EXOC4: variants seen among roughly 807,000 people sequenced by gnomAD.
The protein encoded by EXOC4 is SEC8-like 1.
A neutral mutation model predicts 107.2 loss-of-function variants in EXOC4; 71 were observed. The observed-to-expected ratio is 0.66, with a 90% CI of 0.55 to 0.81. EXOC4 has a LOEUF of 0.81. EXOC4 is among the 30% of genes least tolerant of loss of function. The pLI is 0.00. For missense variants in EXOC4, 1,108 were observed against 1,189.6 expected (o/e 0.93, Z 1.01); for synonymous variants, 456 against 441.2 (o/e 1.03, Z -0.42).
intron 10 of EXOC4, among the ~76,000 whole-genome samples, chr7:133,758,095 C>A (rs1488908849): frequency 6.6e-6 from 1 of 152,104 alleles, no homozygotes; most frequent in Admixed American, 6.5e-5. Context: ...GTGATCCAGG[C>A]AGAAAGTCAT....
chr7:134,022,008 A>G (rs1365707580), intron 17 of EXOC4, among the ~76,000 whole-genome samples: 1 of 152,186 alleles, frequency 6.6e-6, no homozygotes, highest in Non-Finnish European at 1.5e-5. Flanking sequence ...TTGACCAGAA[A>G]TTAATTACAG....
intron 7 of EXOC4, among the ~76,000 whole-genome samples, chr7:133,375,594 G>A (rs1796471940): frequency 1.3e-5 from 2 of 152,088 alleles, no homozygotes; most frequent in Non-Finnish European, 1.5e-5. Context: ...ACTGGAATTA[G>A]TCATATATTA....
chr7:133,863,865 T>C lies in EXOC4; in HGVS notation c.1735-31734T>C, dbSNP rs115384674. 2.4e-3 allele frequency among the ~76,000 whole-genome samples: 366 copies of C among 152,268 alleles called. 5 individuals carry two copies. Among genetic ancestry groups the C allele is most frequent in the African/African-American group, 8.2e-3 (341 of 41,558 alleles). ...GTTCTATTACAATCTACTGACCAAA[T>C]AGAGCTTTGAGCAAACAGATTTCAC... On this transcript the variant is annotated intron_variant, in intron 11 of 17. Transcript: ENST00000253861.
At chr7:133,305,469 A>T (rs1212863358) in intron 3 of EXOC4, among the ~76,000 whole-genome samples, 1 of 152,314 alleles carries the variant, frequency 6.6e-6, no homozygotes, top group East Asian at 1.9e-4. Flanking sequence ...TTTTTAAAAC[A>T]TTTATATAGT....
At chr7:133,354,143 G>A (rs1176222569) in intron 5 of EXOC4, among the ~76,000 whole-genome samples, 1 of 151,732 alleles carries the variant, frequency 6.6e-6, no homozygotes, top group East Asian at 1.9e-4. Flanking sequence ...TTCAGGGACA[G>A]TTTCTGTTGA....
At chr7:133,329,949 TG>T (rs775686422) in intron 5 of EXOC4, among the ~76,000 whole-genome samples, 11 of 152,160 alleles carry the variant, frequency 7.2e-5, no homozygotes, top group Non-Finnish European at 1.5e-4. Context: ...GCTCAAATGC[TG>T]TGCTGGGAGA....
intron 10 of EXOC4, among the ~76,000 whole-genome samples, chr7:133,780,689 T>G (rs542053715): frequency 9.9e-5 from 15 of 152,262 alleles, no homozygotes; most frequent in African/African-American, 3.6e-4. Context: ...GGTTGGCCTG[T>G]CATGCTTAAT....
chr7:133,669,181 A>G lies in EXOC4; in HGVS notation c.1514+39040A>G, dbSNP rs532241303. On this transcript the variant is annotated intron_variant, in intron 10 of 17. Coordinates refer to ENST00000253861, the MANE Select transcript of EXOC4 (RefSeq NM_021807.4). ...ATTTTCCCCCTCGCTCAGGGAGGCCATGACTGGAGGGAGGGGTAAGGAGCC... is the reference window on the plus strand; with the variant it reads ...ATTTTCCCCCTCGCTCAGGGAGGCCGTGACTGGAGGGAGGGGTAAGGAGCC... Among the ~76,000 whole-genome samples the G allele has an allele frequency of 1.9e-3, 293 of 151,976 alleles. 1 individual carries two copies. Among genetic ancestry groups the G allele is most frequent in the African/African-American group, 6.3e-3 (263 of 41,434 alleles).
intron 16 of EXOC4, among the ~76,000 whole-genome samples, chr7:134,006,945 A>T (rs897294802): frequency 3.3e-5 from 5 of 152,200 alleles, no homozygotes; most frequent in African/African-American, 9.6e-5. Flanking sequence ...TTTGCAGACC[A>T]TAAGACAACC....
chr7:133,447,137 C>T lies in EXOC4; in HGVS notation c.1183-28191C>T, dbSNP rs1162348117. Among the ~76,000 whole-genome samples the T allele has an allele frequency of 2.0e-5, 3 of 152,152 alleles. No homozygotes were observed. In the East Asian group the frequency reaches 5.8e-4, roughly 29 times the overall value. On this transcript the variant is annotated intron_variant, in intron 7 of 17. Transcript: ENST00000253861. ...TTCTGACCAAGTCAACTCCACAGTT[C>T]ATCATTTTATAGTCACTTGTATTTT...
intron 17 of EXOC4, among the ~76,000 whole-genome samples, chr7:134,037,631 G>A (rs889144294): frequency 2.0e-5 from 3 of 152,042 alleles, no homozygotes; most frequent in Admixed American, 6.6e-5. Context: ...AAACATGAAC[G>A]TGAACATTTT....
intron 9 of EXOC4, among the ~76,000 whole-genome samples, chr7:133,597,554 C>T (rs1324530050): frequency 4.1e-4 from 39 of 96,054 alleles, no homozygotes; most frequent in South Asian, 7.5e-4. Context: ...AACTCTGTTT[C>T]AAAAAAAAAA....
At position 133,660,247 on chromosome 7, in the gene EXOC4, G is replaced by A. The variant is rs115985998; in HGVS notation, c.1514+30106G>A. ...AAGCATACCTTCTGAGACTGATTTA[G>A]TGTGGCTTGATCAATAGACTGCAGA... is the stretch of plus-strand genomic sequence containing the variant. On this transcript the variant is annotated intron_variant, in intron 10 of 17. Transcript: ENST00000253861. 2.4e-3 allele frequency among the ~76,000 whole-genome samples: 366 copies of A among 151,370 alleles called. 5 individuals carry two copies. Among genetic ancestry groups the A allele is most frequent in the African/African-American group, 8.3e-3 (343 of 41,208 alleles).
chr7:133,446,734 GA>G (rs1325518065), intron 7 of EXOC4, among the ~76,000 whole-genome samples: 4 of 152,150 alleles, frequency 2.6e-5, no homozygotes, highest in African/African-American at 9.7e-5. Flanking sequence ...GGTAATTTCA[GA>G]AGCCATGGAC....
At chr7:133,364,824 G>A (rs994569250) in intron 6 of EXOC4, among the ~76,000 whole-genome samples, 1 of 152,186 alleles carries the variant, frequency 6.6e-6, no homozygotes, top group African/African-American at 2.4e-5. Flanking sequence ...ATTAATCCCA[G>A]ATTTACCCAG....
chr7:133,966,848 G>T lies in EXOC4; in HGVS notation c.2206+28779G>T, dbSNP rs1277437759. Reference sequence around the variant, plus strand: ...GGATGATGCTGGCCTCATAAAATGGGTTAGGGAGGAGTCCCTCTTTTTCTA... The same window carrying T: ...GGATGATGCTGGCCTCATAAAATGGTTTAGGGAGGAGTCCCTCTTTTTCTA... On this transcript the variant is annotated intron_variant, in intron 14 of 17. Transcript: ENST00000253861. Among the ~76,000 whole-genome samples, 3 of 152,336 alleles carry T rather than the reference G, an allele frequency of 2.0e-5. No individual in the cohort carries two copies. The East Asian group carries it at 5.8e-4, about 29-fold the overall frequency.
intron 15 of EXOC4, among the ~76,000 whole-genome samples, chr7:134,002,981 C>T (rs570350117): frequency 7.9e-5 from 12 of 152,068 alleles, no homozygotes; most frequent in Non-Finnish European, 1.3e-4. Flanking sequence ...AGGTATTTAT[C>T]CAAGAGAAAT....
At chr7:133,755,914 G>A (rs967728159) in intron 10 of EXOC4, among the ~76,000 whole-genome samples, 3 of 152,006 alleles carry the variant, frequency 2.0e-5, no homozygotes, top group African/African-American at 7.2e-5. Flanking sequence ...CCATGACTTA[G>A]CTTATATTAC....
intron 9 of EXOC4, among the ~76,000 whole-genome samples, chr7:133,507,083 T>C (rs999813726): frequency 6.6e-6 from 1 of 152,172 alleles, no homozygotes; most frequent in African/African-American, 2.4e-5. Context: ...TTTGATACTA[T>C]GATTTCTTTT....
Sources: allele counts gnomAD v4.1 joint callset (sites outside exome capture counted in the v4.1 genomes callset), GRCh38; gene constraint gnomAD v4.1.1; transcripts MANE v1.5; gene names NCBI Gene and HGNC (gene_info 2026-07-23, HGNC 2026-07-21).